The following WDR7 variants were observed in gnomAD, a reference collection of about 807,000 sequenced individuals.
WDR7 encodes WD repeat domain 7.
In WDR7, 46 loss-of-function variants were observed where a neutral mutation model predicts 169.4. That is an observed-to-expected ratio of 0.27 (90% CI 0.21 to 0.35). WDR7 has a LOEUF of 0.35. WDR7 is among the 10% of genes least tolerant of loss of function. The pLI, the probability that WDR7 is intolerant of heterozygous loss-of-function variation, is 1.00. For missense variants in WDR7, 1,534 were observed against 1,859.3 expected (o/e 0.83, Z 3.22); for synonymous variants, 612 against 666.8 (o/e 0.92, Z 1.27).
intron 4 of WDR7, among the ~76,000 whole-genome samples, chr18:56,681,919 CTGGTATTCTTTTTTACTTTTTCA>C (rs1482325046): frequency 6.6e-6 from 1 of 152,096 alleles, no homozygotes; most frequent in East Asian, 1.9e-4. Flanking sequence ...ACTTACATTC[CTGGTATTCTTTTTTACTTTTTCA>C]TAGCTGTCTA....
chr18:56,868,106 A>G (rs1456081386), intron 20 of WDR7, among the ~76,000 whole-genome samples: 4 of 152,148 alleles, frequency 2.6e-5, no homozygotes, highest in African/African-American at 7.2e-5. Context: ...CTTTATTTCT[A>G]CTTAACATCT....
chr18:56,766,760 AT>A (rs111809128), intron 16 of WDR7, among the ~76,000 whole-genome samples: 10,862 of 151,954 alleles, frequency 0.071, 458 homozygotes, highest in Middle Eastern at 0.13. Flanking sequence ...GGGTCTTAAA[AT>A]TTTTTTTCCT....
chr18:56,737,843 T>G (rs1219636388), intron 14 of WDR7, among the ~76,000 whole-genome samples: 3 of 152,172 alleles, frequency 2.0e-5, no homozygotes, highest in Non-Finnish European at 4.4e-5. Context: ...ACTGTTTTTG[T>G]CCTTAGAAGA....
At chr18:56,794,144 G>A (rs140001020) in intron 19 of WDR7, among the ~76,000 whole-genome samples, 20 of 151,820 alleles carry the variant, frequency 1.3e-4, no homozygotes, top group Non-Finnish European at 2.5e-4. Flanking sequence ...GTAATGTAAT[G>A]AACTTTCATA....
intron 1 of WDR7, among the ~76,000 whole-genome samples, chr18:56,661,706 C>G (rs2024907499): frequency 6.6e-6 from 1 of 152,138 alleles, no homozygotes; most frequent in African/African-American, 2.4e-5. Flanking sequence ...AAGGTTGTGT[C>G]CCTTACAGCC....
intron 26 of WDR7, among the ~76,000 whole-genome samples, chr18:56,982,003 A>G (rs573259085): frequency 7.6e-6 from 1 of 131,654 alleles, no homozygotes; most frequent in South Asian, 2.3e-4. Context: ...TGGATATGCC[A>G]TGAAAAAAAT....
chr18:56,866,961 T>A (rs907299090), intron 20 of WDR7, among the ~76,000 whole-genome samples: 1 of 152,184 alleles, frequency 6.6e-6, no homozygotes, highest in African/African-American at 2.4e-5. Context: ...AATTACCACA[T>A]ATACCCTGAA....
At chr18:56,828,170 C>T (rs2045243194) in intron 20 of WDR7, among the ~76,000 whole-genome samples, 1 of 152,094 alleles carries the variant, frequency 6.6e-6, no homozygotes, top group African/African-American at 2.4e-5. Context: ...AAGAACTAAG[C>T]CATATCCAAA....
intron 21 of WDR7, among the ~76,000 whole-genome samples, chr18:56,888,799 C>T (rs2046229440): frequency 6.6e-6 from 1 of 152,042 alleles, no homozygotes; most frequent in Non-Finnish European, 1.5e-5. Flanking sequence ...AAGTCATTTC[C>T]CGAGGCAGCA....
At chr18:56,879,798 T>G in intron 20 of WDR7, 146 bp from the exon 21 acceptor site, 1 of 599,208 alleles carries the variant, frequency 1.7e-6, no homozygotes, top group Non-Finnish European at 2.9e-6. Flanking sequence ...AAATTCATCC[T>G]TTTGCCTGTG....
chr18:56,928,833 A>G, intron 22 of WDR7, among the ~76,000 whole-genome samples: 1 of 152,216 alleles, frequency 6.6e-6, no homozygotes, highest in East Asian at 1.9e-4. Context: ...ACTGAAAAAA[A>G]TAAGATTCAA....
intron 23 of WDR7, among the ~76,000 whole-genome samples, chr18:56,937,415 C>T (rs1285024101): frequency 1.3e-5 from 2 of 148,556 alleles, no homozygotes; most frequent in South Asian, 4.2e-4. Flanking sequence ...TGAAACAACA[C>T]ACACAAGTTT....
intron 20 of WDR7, among the ~76,000 whole-genome samples, chr18:56,876,699 G>A (rs966621902): frequency 2.0e-5 from 3 of 152,110 alleles, no homozygotes; most frequent in African/African-American, 4.8e-5. Context: ...TATTAAATAC[G>A]TGACTGGCAA....
chr18:56,781,634 G>A lies in WDR7; in HGVS notation c.3168G>A (p.Gln1056=), dbSNP rs1333417968. 6.2e-7 allele frequency: 1 copy of A among 1,609,550 alleles called. No homozygotes were observed. The highest frequency in any genetic ancestry group is 1.3e-5 in the African/African-American group (1 of 74,612). ...ATGCCTGGGCTCCTTACTTACCTCA[G>A]TACATAGACCACGTCATATCACGTA... is the stretch of plus-strand genomic sequence containing the variant. ...AIDAWAPYLP[Q]YIDHVISPGV... is the part of the protein sequence containing the mutation. The change falls in exon 19 of 28, where the codon CAG becomes CAA. Residue 1056 remains glutamine, a synonymous_variant. Transcript: ENST00000254442.
chr18:56,928,189 C>T (rs1459196199), intron 22 of WDR7, among the ~76,000 whole-genome samples: 3 of 152,110 alleles, frequency 2.0e-5, no homozygotes, highest in African/African-American at 4.8e-5. Flanking sequence ...AGTGGCTGGA[C>T]GTGGTGGCTC....
intron 26 of WDR7, among the ~76,000 whole-genome samples, chr18:57,004,183 T>C (rs1055549473): frequency 6.6e-6 from 1 of 152,102 alleles, no homozygotes; most frequent in South Asian, 2.1e-4. Flanking sequence ...TGATTTTAGC[T>C]TAGAGCTTTG....
chr18:56,787,863 T>A (rs940896019), intron 19 of WDR7, among the ~76,000 whole-genome samples: 1 of 152,208 alleles, frequency 6.6e-6, no homozygotes, highest in Non-Finnish European at 1.5e-5. Flanking sequence ...GTAAAAATAG[T>A]TTAAATATTA....
chr18:56,879,072 A>T (rs2046068796), intron 20 of WDR7, among the ~76,000 whole-genome samples: 1 of 152,198 alleles, frequency 6.6e-6, no homozygotes, highest in African/African-American at 2.4e-5. Flanking sequence ...GGCTATTTTG[A>T]ATAATGCTGC....
At chr18:57,024,157 C>T (rs1185743224) in intron 27 of WDR7, among the ~76,000 whole-genome samples, 1 of 151,934 alleles carries the variant, frequency 6.6e-6, no homozygotes, top group Non-Finnish European at 1.5e-5. Flanking sequence ...TTGTACTTTT[C>T]TTTATTATTT....
Sources: allele counts gnomAD v4.1 joint callset (sites outside exome capture counted in the v4.1 genomes callset), GRCh38; gene constraint gnomAD v4.1.1; transcripts MANE v1.5; gene names NCBI Gene and HGNC (gene_info 2026-07-23, HGNC 2026-07-21).